DPYD: variants seen among roughly 807,000 people sequenced by gnomAD.
DPYD encodes dihydropyrimidine dehydrogenase [NADP(+)].
DPYD carries 109 observed loss-of-function variants against 116.2 expected under a neutral mutation model. The ratio of observed to expected loss-of-function variants is 0.94; its 90% confidence interval spans 0.80 to 1.10. The LOEUF is 1.10. Ranked by LOEUF, DPYD falls within the 50% of genes least tolerant of loss-of-function variation. DPYD has a pLI of 0.00. For missense variants in DPYD, 1,302 were observed against 1,254.5 expected, an observed-to-expected ratio of 1.04 and a Z score of -0.57; for synonymous variants, 440 against 432.0, an observed-to-expected ratio of 1.02 and a Z score of -0.23.
intron 18 of DPYD, among the ~76,000 whole-genome samples, chr1:97,286,154 G>A (rs1008906633): frequency 6.6e-6 from 1 of 152,048 alleles, no homozygotes; most frequent in African/African-American, 2.4e-5. Context: ...GTCTGTAAAG[G>A]ATTTTATTTC....
chr1:97,258,530 T>C (rs1174932788), intron 18 of DPYD, among the ~76,000 whole-genome samples: 1 of 152,154 alleles, frequency 6.6e-6, no homozygotes, highest in Non-Finnish European at 1.5e-5. Flanking sequence ...CTTTGTCTCA[T>C]ATTTCCTCCT....
chr1:97,187,440 G>C (rs2101811836), intron 20 of DPYD, among the ~76,000 whole-genome samples: 1 of 152,150 alleles, frequency 6.6e-6, no homozygotes, highest in South Asian at 2.1e-4. Context: ...TGTTGTTGTT[G>C]TTGAGTTGTT....
chr1:97,594,911 G>GC (rs978260258), intron 9 of DPYD, 148 bp downstream of exon 9: 2 of 612,558 alleles, frequency 3.3e-6, no homozygotes, highest in Non-Finnish European at 5.7e-6. Context: ...GTTATACCCG[G>GC]CCTTTTTTTT....
rs777347164 is a variant in DPYD at position 97,595,067 on chromosome 1, C to T, written c.950G>A (p.Ser317Asn). 6.2e-7 allele frequency: 1 copy of T among 1,612,288 alleles called. No individual in the cohort carries two copies. Among genetic ancestry groups the T allele is most frequent in the South Asian group, 1.1e-5 (1 of 91,056 alleles). ...KDFLPLVAKG[S>N]KAGMCACHSP... ...AAGACAATATGTTATACCTGCTTTA[C>T]TGCCTTTGGCTACAAGTGGCAAAAA... is the stretch of plus-strand genomic sequence containing the variant. The change falls in exon 9 of 23, where the codon AGT becomes AAT. Residue 317 changes from serine to asparagine, a missense_variant. Coordinates refer to ENST00000370192, the MANE Select transcript of DPYD (RefSeq NM_000110.4).
chr1:97,487,489 C>T (rs569631868), intron 13 of DPYD, among the ~76,000 whole-genome samples: 259 of 152,018 alleles, frequency 1.7e-3, no homozygotes, highest in Middle Eastern at 3.4e-3. Context: ...CTGGCTAACA[C>T]GGTGAAACCC....
chr1:97,733,354 G>A (rs942948441), intron 4 of DPYD, among the ~76,000 whole-genome samples: 1 of 151,964 alleles, frequency 6.6e-6, no homozygotes, highest in Non-Finnish European at 1.5e-5. Flanking sequence ...TAAGGAAAAT[G>A]TTAGAAACCT....
intron 13 of DPYD, among the ~76,000 whole-genome samples, chr1:97,478,669 T>C (rs543769877): frequency 3.8e-4 from 58 of 152,324 alleles, no homozygotes; most frequent in Admixed American, 2.4e-3. Context: ...CAGCTGCAAT[T>C]TGCCCATTAC....
intron 19 of DPYD, among the ~76,000 whole-genome samples, chr1:97,224,551 G>T (rs984157969): frequency 6.6e-6 from 1 of 151,580 alleles, no homozygotes; most frequent in Non-Finnish European, 1.5e-5. Flanking sequence ...CAAATATCTA[G>T]TATAAAATAC....
chr1:97,652,150 AC>A, intron 8 of DPYD, among the ~76,000 whole-genome samples: 1 of 152,192 alleles, frequency 6.6e-6, no homozygotes, highest in Non-Finnish European at 1.5e-5. Context: ...TAAAAAAAGG[AC>A]AACTGATTTA....
intron 5 of DPYD, among the ~76,000 whole-genome samples, chr1:97,716,757 A>C (rs1332474614): frequency 6.6e-6 from 1 of 152,096 alleles, no homozygotes; most frequent in Non-Finnish European, 1.5e-5. Context: ...TTCTTTGTAC[A>C]ATTATTTCTT....
At chr1:97,655,798 T>C (rs1167656786) in intron 8 of DPYD, among the ~76,000 whole-genome samples, 1 of 152,218 alleles carries the variant, frequency 6.6e-6, no homozygotes, top group Non-Finnish European at 1.5e-5. Flanking sequence ...AATGAACTCA[T>C]GTTAGCTTGT....
chr1:97,746,257 T>C (rs1664547184), intron 3 of DPYD, among the ~76,000 whole-genome samples: 1 of 152,158 alleles, frequency 6.6e-6, no homozygotes, highest in African/African-American at 2.4e-5. Context: ...CATATGCTAT[T>C]ATTAGGAAGC....
chr1:97,780,144 C>T (rs902830069), intron 3 of DPYD, among the ~76,000 whole-genome samples: 1 of 151,930 alleles, frequency 6.6e-6, no homozygotes, highest in African/African-American at 2.4e-5. Flanking sequence ...AGAGTATTAA[C>T]TTATTGTACT....
At chr1:97,888,215 G>T (rs1672603158) in intron 1 of DPYD, among the ~76,000 whole-genome samples, 1 of 151,946 alleles carries the variant, frequency 6.6e-6, no homozygotes, top group South Asian at 2.1e-4. Context: ...AAATACAATA[G>T]CTGATATGAA....
At chr1:97,449,951 T>A in intron 14 of DPYD, 108 bp downstream of exon 14, 2 of 1,417,516 alleles carry the variant, frequency 1.4e-6, no homozygotes, top group Admixed American at 1.8e-5. Flanking sequence ...GGCAGATTCT[T>A]TAATAAAATA....
intron 14 of DPYD, among the ~76,000 whole-genome samples, chr1:97,408,547 T>C (rs1673801914): frequency 6.6e-6 from 1 of 152,152 alleles, no homozygotes; most frequent in Admixed American, 6.6e-5. Flanking sequence ...ATTGTCTTTA[T>C]TTGGAGATTA....
In DPYD at chr1:97,340,734, T is replaced by C. The variant is rs192830127; in HGVS notation, c.2058+32827A>G. Among the ~76,000 whole-genome samples the C allele has an allele frequency of 2.0e-5, 3 of 152,272 alleles. No individual in the cohort carries two copies. In the East Asian group the frequency reaches 5.8e-4, roughly 29 times the overall value. ...GAAATTTTAATAGGTATCTGTTAGA[T>C]TTTGACTGATCAGTCAGATTGAAAA... On this transcript the variant is annotated intron_variant, in intron 16 of 22. Transcript: ENST00000370192.
At chr1:97,118,011 G>A (rs746703481) in intron 20 of DPYD, among the ~76,000 whole-genome samples, 15 of 151,918 alleles carry the variant, frequency 9.9e-5, no homozygotes, top group Non-Finnish European at 1.8e-4. Context: ...TCTCTCCTGC[G>A]TTTGAGGTAA....
At chr1:97,858,114 T>A (rs1670939167) in intron 2 of DPYD, among the ~76,000 whole-genome samples, 1 of 152,178 alleles carries the variant, frequency 6.6e-6, no homozygotes, top group African/African-American at 2.4e-5. Context: ...TTTTCTCGTC[T>A]CTTTACTTAA....
Sources: allele counts gnomAD v4.1 joint callset (sites outside exome capture counted in the v4.1 genomes callset), GRCh38; gene constraint gnomAD v4.1.1; transcripts MANE v1.5; gene names NCBI Gene and HGNC (gene_info 2026-07-23, HGNC 2026-07-21).